The following PLXNA4 variants were observed in gnomAD, a reference collection of about 807,000 sequenced individuals.
PLXNA4 encodes the protein plexin-A4.
In PLXNA4, 44 loss-of-function variants were observed where a neutral mutation model predicts 191.8. The observed-to-expected ratio is 0.23, with a 90% CI of 0.18 to 0.29. The LOEUF (loss-of-function observed/expected upper bound fraction) is 0.29, where lower values mean the gene tolerates loss of function less well. Ranked by LOEUF, PLXNA4 falls within the 10% of genes least tolerant of loss-of-function variation. The pLI is 1.00. For missense variants in PLXNA4, 1,800 were observed against 2,488.8 expected (o/e 0.72, Z 5.89); for synonymous variants, 1,082 against 1,009.5 (o/e 1.07, Z -1.36).
chr7:132,531,817 G>C (rs1277915700), intron 1 of PLXNA4, among the ~76,000 whole-genome samples: 1 of 152,188 alleles, frequency 6.6e-6, no homozygotes, highest in Non-Finnish European at 1.5e-5. Flanking sequence ...TCTTGAGTAG[G>C]CTGATTTGGT....
chr7:132,164,196 G>C lies in PLXNA4; in HGVS notation c.4446C>G (p.Arg1482=), dbSNP rs373433443. 1 of 1,614,132 alleles carries C rather than the reference G, an allele frequency of 6.2e-7. No individual in the cohort carries two copies. The highest frequency in any genetic ancestry group is 2.2e-5 in the East Asian group (1 of 44,888). The change falls in exon 24 of 32, where the codon CGC becomes CGG. Residue 1482 remains arginine, a synonymous_variant. Coordinates refer to ENST00000321063, the MANE Select transcript of PLXNA4 (RefSeq NM_020911.2). ...GPIDAITGEA[R]YSLSEDKLIR... is the part of the protein sequence containing the mutation. Reference sequence around the variant, plus strand: ...TGAGCTTGTCCTCGCTCAAGGAGTAGCGGGCCTCGCCCGTGATGGCGTCAA... The same window carrying C: ...TGAGCTTGTCCTCGCTCAAGGAGTACCGGGCCTCGCCCGTGATGGCGTCAA...
At chr7:132,153,709 G>A (rs370885866) in intron 25 of PLXNA4, among the ~76,000 whole-genome samples, 3 of 152,300 alleles carry the variant, frequency 2.0e-5, no homozygotes, top group East Asian at 3.9e-4. Context: ...GGCTCTTGAA[G>A]AGTCCCCTAC....
At chr7:132,339,458 T>C (rs1024839903) in intron 3 of PLXNA4, among the ~76,000 whole-genome samples, 4 of 152,218 alleles carry the variant, frequency 2.6e-5, no homozygotes, top group Non-Finnish European at 5.9e-5. Flanking sequence ...CCAAATTTTA[T>C]CACATGAAAA....
intron 3 of PLXNA4, among the ~76,000 whole-genome samples, chr7:132,303,280 A>G (rs908516120): frequency 6.7e-6 from 1 of 150,096 alleles, no homozygotes; most frequent in Admixed American, 6.6e-5. Context: ...TAGAAAATGT[A>G]AAGAAATTGG....
intron 4 of PLXNA4, among the ~76,000 whole-genome samples, chr7:132,281,525 G>A (rs1800478182): frequency 6.6e-6 from 1 of 152,124 alleles, no homozygotes; most frequent in African/African-American, 2.4e-5. Context: ...TTTAAGATAT[G>A]AATTTTTAAA....
chr7:132,586,422 A>G (rs969184970), intron 2 of PLXNA4, among the ~76,000 whole-genome samples: 2 of 152,216 alleles, frequency 1.3e-5, no homozygotes, highest in Non-Finnish European at 2.9e-5. Context: ...GGAATAAAAA[A>G]GGTGAGAGAG....
At chr7:132,568,943 G>T (rs1370745385) in intron 1 of PLXNA4, among the ~76,000 whole-genome samples, 2 of 152,232 alleles carry the variant, frequency 1.3e-5, no homozygotes, top group Non-Finnish European at 2.9e-5. Flanking sequence ...AGAGTCAAAG[G>T]CTGGGCTCCT....
intron 9 of PLXNA4, among the ~76,000 whole-genome samples, chr7:132,211,596 C>A (rs1026216991): frequency 6.6e-6 from 1 of 152,220 alleles, no homozygotes; most frequent in Admixed American, 6.5e-5. Context: ...CCCTGTTCTG[C>A]CCCTGGAATG....
chr7:132,510,680 G>T (rs1798679028), intron 1 of PLXNA4, among the ~76,000 whole-genome samples: 1 of 152,210 alleles, frequency 6.6e-6, no homozygotes, highest in South Asian at 2.1e-4. Context: ...GCAAGGAGCA[G>T]GCTGCAGGAG....
intron 29 of PLXNA4, among the ~76,000 whole-genome samples, chr7:132,143,808 T>C (rs10273901): frequency 0.12 from 18,569 of 152,162 alleles, 2,215 homozygotes; most frequent in African/African-American, 0.31. Context: ...TTTTTGAGTC[T>C]TATTTCAGAA....
At chr7:132,186,045 G>A (rs926571983) in intron 15 of PLXNA4, among the ~76,000 whole-genome samples, 1 of 152,188 alleles carries the variant, frequency 6.6e-6, no homozygotes, top group Non-Finnish European at 1.5e-5. Flanking sequence ...ACTGATGCCA[G>A]GCCTGGCCAG....
At chr7:132,554,207 G>A (rs1023694701) in intron 1 of PLXNA4, among the ~76,000 whole-genome samples, 6 of 152,212 alleles carry the variant, frequency 3.9e-5, no homozygotes, top group Admixed American at 2.6e-4. Context: ...CACAGGGCCT[G>A]TGGTCACTGT....
chr7:132,522,353 C>T (rs6944175), intron 1 of PLXNA4, among the ~76,000 whole-genome samples: 49,707 of 152,110 alleles, frequency 0.33, 8,253 homozygotes, highest in South Asian at 0.35. Flanking sequence ...CCCAACCCAA[C>T]CCATTAGGAT....
At chr7:132,147,851 A>C in intron 27 of PLXNA4, 49 bp downstream of exon 27, 1 of 1,612,210 alleles carries the variant, frequency 6.2e-7, no homozygotes, top group Admixed American at 1.7e-5. Flanking sequence ...TCATGACAAC[A>C]GCTGCTCAGG....
intron 1 of PLXNA4, among the ~76,000 whole-genome samples, chr7:132,561,333 C>G (rs1054970608): frequency 8.7e-5 from 13 of 150,084 alleles, no homozygotes; most frequent in Non-Finnish European, 1.9e-4. Context: ...CCTCTTCCTC[C>G]TCTTCCTCCT....
intron 4 of PLXNA4, among the ~76,000 whole-genome samples, chr7:132,283,716 C>T (rs1469761988): frequency 1.3e-5 from 2 of 152,222 alleles, no homozygotes; most frequent in Non-Finnish European, 2.9e-5. Flanking sequence ...GTGAAGGTTC[C>T]ACAATGCACC....
chr7:132,420,675 T>C (rs1166200706), intron 3 of PLXNA4, among the ~76,000 whole-genome samples: 1 of 152,186 alleles, frequency 6.6e-6, no homozygotes, highest in Non-Finnish European at 1.5e-5. Context: ...ACCACTGATA[T>C]GGTTTGGCTG....
intron 2 of PLXNA4, among the ~76,000 whole-genome samples, chr7:132,635,339 C>T (rs183677911): frequency 2.0e-4 from 31 of 152,126 alleles, no homozygotes; most frequent in Middle Eastern, 3.4e-3. Flanking sequence ...GCCAGCACAG[C>T]ACCTGGCACA....
At chr7:132,238,004 T>C (rs948152603) in intron 5 of PLXNA4, among the ~76,000 whole-genome samples, 28 of 152,304 alleles carry the variant, frequency 1.8e-4, no homozygotes, top group East Asian at 7.7e-4. Context: ...CCCTATTTCA[T>C]GCCACATTTT....
Sources: allele counts gnomAD v4.1 joint callset (sites outside exome capture counted in the v4.1 genomes callset), GRCh38; gene constraint gnomAD v4.1.1; transcripts MANE v1.5; gene names NCBI Gene and HGNC (gene_info 2026-07-23, HGNC 2026-07-21).